DMTF1: variants seen among roughly 807,000 people sequenced by gnomAD.
The protein encoded by DMTF1 is cyclin D binding myb like transcription factor 1.
Under a neutral mutation model 91.1 loss-of-function variants are expected in DMTF1, and 39 were observed. That is an observed-to-expected ratio of 0.43 (90% CI 0.33 to 0.56). The LOEUF is 0.56. Ranked by LOEUF, DMTF1 falls within the 20% of genes least tolerant of loss-of-function variation. DMTF1 has a pLI of 0.05. For missense variants in DMTF1, 750 were observed against 914.5 expected, an observed-to-expected ratio of 0.82 and a Z score of 2.32; for synonymous variants, 338 against 309.5, an observed-to-expected ratio of 1.09 and a Z score of -0.97.
chr7:87,156,002 ATT>A (rs1188157909), intron 1 of DMTF1, among the ~76,000 whole-genome samples: 12 of 152,244 alleles, frequency 7.9e-5, no homozygotes, highest in Middle Eastern at 3.4e-3. Flanking sequence ...GCCGGTGTAT[ATT>A]TTAGTATCTA....
intron 10 of DMTF1, 77 bp downstream of exon 10, chr7:87,182,414 G>A: frequency 7.0e-7 from 1 of 1,421,812 alleles, no homozygotes; most frequent in Non-Finnish European, 9.9e-7. Flanking sequence ...CCTTTTCTTT[G>A]CTCTTGGGGA....
At chr7:87,155,988 T>C (rs1460217994) in intron 1 of DMTF1, among the ~76,000 whole-genome samples, 1 of 152,198 alleles carries the variant, frequency 6.6e-6, no homozygotes, top group African/African-American at 2.4e-5. Flanking sequence ...AGGTTTATTT[T>C]AGTGCCGGTG....
intron 1 of DMTF1, chr7:87,162,890 A>G (rs1792841797): frequency 6.6e-6 from 1 of 151,688 alleles, no homozygotes; most frequent in African/African-American, 2.4e-5. Context: ...ACCTTTAAAA[A>G]CCATTTCATA....
At chr7:87,178,592 C>T (rs1019430673) in intron 7 of DMTF1, among the ~76,000 whole-genome samples, 5 of 151,932 alleles carry the variant, frequency 3.3e-5, no homozygotes, top group South Asian at 2.1e-4. Flanking sequence ...GATAAACTCA[C>T]TTTTCTACGT....
At position 87,165,561 on chromosome 7, in the gene DMTF1, TCTCA is replaced by T. The variant is rs1312510502; in HGVS notation, c.109+515_109+518del. Among the ~76,000 whole-genome samples the T allele has an allele frequency of 2.6e-5, 4 of 152,330 alleles. No individual in the cohort carries two copies. The East Asian group carries it at 7.7e-4, about 29-fold the overall frequency. ...ACTCAACCTAGGTTATGTCTTCTCT[TCTCA>T]CTCTGTATATAATTCATAGGTTATT... On this transcript the variant is annotated intron_variant, in intron 3 of 17. Coordinates refer to ENST00000331242, the MANE Select transcript of DMTF1 (RefSeq NM_001142327.2).
rs544617002 is a variant in DMTF1 at position 87,184,179 on chromosome 7, T to C, written c.821-218T>C. Reference sequence around the variant, plus strand: ...TTCTTTTCATAATTGGTCAGTGCTTTCCATTAGGATTCTTTATTTTCTTTT... The same window carrying C: ...TTCTTTTCATAATTGGTCAGTGCTTCCCATTAGGATTCTTTATTTTCTTTT... On this transcript the variant is annotated intron_variant, in intron 10 of 17. Transcript: ENST00000331242. Among the ~76,000 whole-genome samples the C allele has an allele frequency of 3.9e-5, 6 of 152,342 alleles. No individual in the cohort carries two copies. In the South Asian group the frequency reaches 1.2e-3, roughly 32 times the overall value.
intron 4 of DMTF1, among the ~76,000 whole-genome samples, chr7:87,168,980 A>G (rs1794470453): frequency 6.6e-6 from 1 of 152,208 alleles, no homozygotes; most frequent in Non-Finnish European, 1.5e-5. Context: ...ACCTACCTGC[A>G]TCTATGTCCA....
chr7:87,188,387 T>G, intron 13 of DMTF1, 86 bp downstream of exon 13: 1 of 1,399,682 alleles, frequency 7.1e-7, no homozygotes, highest in South Asian at 1.2e-5. Flanking sequence ...TTCTAGAATG[T>G]TAATAGAAAT....
intron 1 of DMTF1, among the ~76,000 whole-genome samples, chr7:87,157,580 G>T (rs1791091211): frequency 6.6e-6 from 1 of 152,074 alleles, no homozygotes; most frequent in African/African-American, 2.4e-5. Flanking sequence ...TCAATTGATG[G>T]AAATACCAGT....
At chr7:87,191,121 G>C in intron 14 of DMTF1, 94 bp downstream of exon 14, 1 of 790,150 alleles carries the variant, frequency 1.3e-6, no homozygotes, top group Admixed American at 2.6e-5. Context: ...ATTCATAAAA[G>C]TCTGAGGCCA....
intron 1 of DMTF1, chr7:87,162,741 T>C (rs1792791063): frequency 6.6e-6 from 1 of 151,876 alleles, no homozygotes; most frequent in Middle Eastern, 3.2e-3. Context: ...AGGATCTAAT[T>C]AGAATGCCGC....
Position 87,195,180 on chromosome 7 carries a change from C to T in DMTF1, c.*40C>T. The T allele has an allele frequency of 7.1e-7, 1 of 1,405,104 alleles. No individual in the cohort carries two copies. The highest frequency in any genetic ancestry group is 1.0e-6 in the Non-Finnish European group (1 of 994,206). The allele number at this position is 1,405,104 out of a possible 1,614,324, so 87.0% of individuals were successfully genotyped here. A position where few individuals can be genotyped will look rare whatever the true frequency, so the allele number is the denominator to read the frequency against. On this transcript the variant is annotated 3_prime_UTR_variant, in exon 18 of 18. Transcript: ENST00000331242. ...ATAGGCAGTTCAAGCAAAGAAGGCA[C>T]ACTGTTAATTACAACCTCTTCAAAG...
chr7:87,190,319 C>G (rs1799461781), intron 13 of DMTF1, among the ~76,000 whole-genome samples: 1 of 151,788 alleles, frequency 6.6e-6, no homozygotes, highest in Non-Finnish European at 1.5e-5. Flanking sequence ...AAAAAAATAC[C>G]TGAACATTAG....
At chr7:87,169,632 C>G (rs1794639722) in intron 4 of DMTF1, among the ~76,000 whole-genome samples, 1 of 152,164 alleles carries the variant, frequency 6.6e-6, no homozygotes, top group Admixed American at 6.5e-5. Flanking sequence ...TTTTTCCCAG[C>G]TCTCCAAAGA....
intron 14 of DMTF1, chr7:87,192,961 T>A (rs1186977436): frequency 4.3e-6 from 2 of 468,614 alleles, no homozygotes; most frequent in Non-Finnish European, 7.7e-6. Flanking sequence ...TACAACTGTC[T>A]TGGTGCCCTG....
rs1006793635 is a variant in DMTF1, at chr7:87,181,651, G to T, written c.710+310G>T. On this transcript the variant is annotated intron_variant, in intron 9 of 17. Transcript: ENST00000331242. ...TAAATTTGGGGAATTTATATACCAG[G>T]ATGAAAACCAGGGTTGTGCTACATG... 2.0e-5 allele frequency among the ~76,000 whole-genome samples: 3 copies of T among 152,272 alleles called. No homozygotes were observed. The East Asian group carries it at 5.8e-4, about 29-fold the overall frequency.
chr7:87,171,338 T>C (rs1183950195), intron 5 of DMTF1, among the ~76,000 whole-genome samples: 1 of 152,218 alleles, frequency 6.6e-6, no homozygotes, highest in African/African-American at 2.4e-5. Context: ...CAAAAAACTT[T>C]TCATAATAAT....
chr7:87,164,490 G>C (rs1402346108), intron 2 of DMTF1, among the ~76,000 whole-genome samples: 1 of 152,134 alleles, frequency 6.6e-6, no homozygotes, highest in East Asian at 1.9e-4. Context: ...TCAGATAATA[G>C]AGCTTAAATA....
Position 87,161,637 on chromosome 7 carries a change from A to G in DMTF1, c.-131-1858A>G, listed in dbSNP as rs1792440776. On this transcript the variant is annotated intron_variant, in intron 1 of 17. Coordinates refer to ENST00000331242, the MANE Select transcript of DMTF1 (RefSeq NM_001142327.2). ...CTTGATAATTTACAAAGTAGCATAGAATCATTCACTAATCTCTAACATGAG... is the reference window on the plus strand; with the variant it reads ...CTTGATAATTTACAAAGTAGCATAGGATCATTCACTAATCTCTAACATGAG... Among the ~76,000 whole-genome samples the G allele has an allele frequency of 2.0e-5, 3 of 152,258 alleles. No individual in the cohort carries two copies. In the South Asian group the frequency reaches 6.2e-4, roughly 32 times the overall value.
Sources: gnomAD v4.1 joint callset for allele counts (sites outside exome capture counted in the v4.1 genomes callset) on GRCh38, gnomAD v4.1.1 for gene constraint, MANE v1.5 for transcripts, NCBI Gene and HGNC (gene_info 2026-07-23, HGNC 2026-07-21) for gene names.